The following TMEM215 variants were observed in gnomAD, a reference collection of about 807,000 sequenced individuals.
TMEM215 encodes transmembrane protein 215.
A neutral mutation model predicts 14.7 loss-of-function variants in TMEM215; 12 were observed. The observed-to-expected ratio is 0.82, with a 90% CI of 0.52 to 1.33. TMEM215 has a LOEUF of 1.33. TMEM215 is among the 40% of genes most tolerant of loss of function. TMEM215 has a pLI of 0.00. For synonymous variants in TMEM215, 122 were observed against 124.8 expected, an observed-to-expected ratio of 0.98 and a Z score of 0.15; for missense variants, 276 against 296.2, an observed-to-expected ratio of 0.93 and a Z score of 0.50.
At position 32,784,481 on chromosome 9, in the gene TMEM215, G is replaced by T. The variant is rs745334109; in HGVS notation, c.298G>T (p.Asp100Tyr). 3 of 1,614,076 alleles carry T rather than the reference G, an allele frequency of 1.9e-6. No individual in the cohort carries two copies. The highest frequency in any genetic ancestry group is 2.5e-6 in the Non-Finnish European group (3 of 1,180,036). Residue 100 changes from aspartate to tyrosine, a missense_variant, in exon 2 of 2, where the codon GAC (aspartate) becomes TAC (tyrosine). Transcript: ENST00000342743. ...EVVELLRTPS[D>Y]LESGKGSSDE... is the part of the protein sequence containing the mutation. ...GGTAGAGCTGCTGAGGACCCCTTCAGACCTAGAATCCGGCAAGGGGAGCTC... is the reference window on the plus strand; with the variant it reads ...GGTAGAGCTGCTGAGGACCCCTTCATACCTAGAATCCGGCAAGGGGAGCTC...
In TMEM215 at chr9:32,786,726, T is replaced by G. The variant is rs1587096479; in HGVS notation, c.*1835T>G. ...CACAGCTACTACTCAAAAAAGAATT[T>G]TGTAGATGTATGAAAGCAGATTATT... is the stretch of plus-strand genomic sequence containing the variant. On this transcript the variant is annotated 3_prime_UTR_variant, in exon 2 of 2. Transcript: ENST00000342743. 1.2e-5 allele frequency: 2 copies of G among 167,088 alleles called. No individual in the cohort carries two copies. Among genetic ancestry groups the G allele is most frequent in the South Asian group, 2.1e-4 (1 of 4,828 alleles). 10.4% of individuals were successfully genotyped at this position (167,088 alleles called of 1,614,324 possible).
rs999603499 is a variant in TMEM215 at position 32,783,684 on chromosome 9, G to C, written c.-180G>C. The C allele has an allele frequency of 6.5e-6, 1 of 154,804 alleles. No individual in the cohort carries two copies. The highest frequency in any genetic ancestry group is 1.4e-5 in the Non-Finnish European group (1 of 69,990). 9.6% of individuals were successfully genotyped at this position (154,804 alleles called of 1,614,324 possible). The stretch of plus-strand genomic sequence containing the variant: ...CCACCTCCCCGATGCAGAGTCCGTG[G>C]GGGAAACCAGGCTTTCCTCCCAGAA... On this transcript the variant is annotated 5_prime_UTR_variant, in exon 1 of 2. Coordinates refer to ENST00000342743, the MANE Select transcript of TMEM215 (RefSeq NM_212558.3).
rs1260456398 is a variant in TMEM215, at chr9:32,784,497, A to C, written c.314A>C (p.Lys105Thr). 7.4e-6 allele frequency: 12 copies of C among 1,614,058 alleles called. No individual in the cohort carries two copies. The highest frequency in any genetic ancestry group is 1.0e-5 in the Non-Finnish European group (12 of 1,180,026). Residue 105 changes from lysine (K) to threonine (T), a missense_variant, in exon 2 of 2, where the codon AAG becomes ACG. Physicochemically the swap from Lys to Thr is moderately conservative, Grantham distance 78. Coordinates refer to ENST00000342743, the MANE Select transcript of TMEM215 (RefSeq NM_212558.3). The stretch of plus-strand genomic sequence containing the variant: ...ACCCCTTCAGACCTAGAATCCGGCA[A>C]GGGGAGCTCAGATGAGCTGGCTAAG... ...LRTPSDLESG[K>T]GSSDELAKKA... is the part of the protein sequence containing the mutation.
chr9:32,784,974 C>A lies in TMEM215; in HGVS notation c.*83C>A. ...GAAGCAAATTGCTCTGCTTGGAGAG[C>A]CTTCACACTGTTAGAAATTGACCTG... On this transcript the variant is annotated 3_prime_UTR_variant, in exon 2 of 2. Transcript: ENST00000342743. 8.5e-7 allele frequency: 1 copy of A among 1,174,306 alleles called. No homozygotes were observed. Among genetic ancestry groups the A allele is most frequent in the Non-Finnish European group, 1.2e-6 (1 of 813,358 alleles). 72.7% of individuals were successfully genotyped at this position (1,174,306 alleles called of 1,614,324 possible). A position where few individuals can be genotyped will look rare whatever the true frequency, so the allele number is the denominator to read the frequency against.
chr9:32,786,876 A>G lies in TMEM215; in HGVS notation c.*1985A>G, dbSNP rs1055696228. ...CACAACCTTGCACTAAATGTGATTG[A>G]CATTTGGATTTGGGATGGGGAGAGA... is the stretch of plus-strand genomic sequence containing the variant. On this transcript the variant is annotated 3_prime_UTR_variant, in exon 2 of 2. Transcript: ENST00000342743. 7 of 167,026 alleles carry G rather than the reference A, an allele frequency of 4.2e-5. No homozygotes were observed. The highest frequency in any genetic ancestry group is 1.2e-4 in the African/African-American group (5 of 41,468). 10.3% of individuals were successfully genotyped at this position (167,026 alleles called of 1,614,324 possible).
Position 32,784,980 on chromosome 9 carries a change from C to A in TMEM215, c.*89C>A. On this transcript the variant is annotated 3_prime_UTR_variant, in exon 2 of 2. Coordinates refer to ENST00000342743, the MANE Select transcript of TMEM215 (RefSeq NM_212558.3). ...AATTGCTCTGCTTGGAGAGCCTTCA[C>A]ACTGTTAGAAATTGACCTGGTATGT... The A allele has an allele frequency of 1.8e-6, 2 of 1,116,820 alleles. No homozygotes were observed. Among genetic ancestry groups the A allele is most frequent in the Non-Finnish European group, 2.6e-6 (2 of 763,056 alleles). The allele number at this position is 1,116,820 out of a possible 1,614,324, so 69.2% of individuals were successfully genotyped here.
rs761069759 is a variant in TMEM215 at position 32,785,008 on chromosome 9, T to C, written c.*117T>C. 7 of 829,830 alleles carry C rather than the reference T, an allele frequency of 8.4e-6. No homozygotes were observed. The highest frequency in any genetic ancestry group is 1.2e-5 in the Non-Finnish European group (6 of 519,264). The allele number at this position is 829,830 out of a possible 1,614,324, so 51.4% of individuals were successfully genotyped here. A position where few individuals can be genotyped will look rare whatever the true frequency, so the allele number is the denominator to read the frequency against. On this transcript the variant is annotated 3_prime_UTR_variant, in exon 2 of 2. Transcript: ENST00000342743. ...TGTTAGAAATTGACCTGGTATGTGATGGGTGTGATAACCTCTGGTACCCGA... is the reference window on the plus strand; with the variant it reads ...TGTTAGAAATTGACCTGGTATGTGACGGGTGTGATAACCTCTGGTACCCGA...
In TMEM215 at chr9:32,787,680, A is replaced by C. The variant is rs1824522561; in HGVS notation, c.*2789A>C. The stretch of plus-strand genomic sequence containing the variant: ...GAAAAGAGAGCAACTCATTCTGATG[A>C]GTTACACAGTTTTAGCAAATTGTTC... On this transcript the variant is annotated 3_prime_UTR_variant, in exon 2 of 2. Transcript: ENST00000342743. Among the ~76,000 whole-genome samples the C allele has an allele frequency of 2.0e-5, 3 of 152,106 alleles. No individual in the cohort carries two copies. The South Asian group carries it at 6.2e-4, about 32-fold the overall frequency.
rs1003868177 is a variant in TMEM215, at chr9:32,788,604, T to G, written c.*3713T>G. Reference sequence around the variant, plus strand: ...TATTGCTGGTTACACTGCTATATTATTTGTTATATGCCAATAGAGAGGAAC... The same window carrying G: ...TATTGCTGGTTACACTGCTATATTAGTTGTTATATGCCAATAGAGAGGAAC... On this transcript the variant is annotated 3_prime_UTR_variant, in exon 2 of 2. Coordinates refer to ENST00000342743, the MANE Select transcript of TMEM215 (RefSeq NM_212558.3). 2.0e-5 allele frequency among the ~76,000 whole-genome samples: 3 copies of G among 152,268 alleles called. No homozygotes were observed. The highest frequency in any genetic ancestry group is 4.4e-5 in the Non-Finnish European group (3 of 68,048).
rs750362370 is a variant in TMEM215 at position 32,786,977 on chromosome 9, T to G, written c.*2086T>G. On this transcript the variant is annotated 3_prime_UTR_variant, in exon 2 of 2. Transcript: ENST00000342743. ...ACAGAGAATCATATTTTTATAATGGTGAGAACTATGCAATAACTCTTTAGG... is the reference window on the plus strand; with the variant it reads ...ACAGAGAATCATATTTTTATAATGGGGAGAACTATGCAATAACTCTTTAGG... 1 of 167,014 alleles carries G rather than the reference T, an allele frequency of 6.0e-6. No homozygotes were observed. Among genetic ancestry groups the G allele is most frequent in the Non-Finnish European group, 1.5e-5 (1 of 68,056 alleles). The allele number at this position is 167,014 out of a possible 1,614,324, so 10.3% of individuals were successfully genotyped here. A position where few individuals can be genotyped will look rare whatever the true frequency, so the allele number is the denominator to read the frequency against.
In TMEM215 at chr9:32,784,538, G is replaced by C. The variant is rs145588539; in HGVS notation, c.355G>C (p.Gly119Arg). ...GCTGGCTAAGAAGGCGGGCCTCAGG[G>C]GGAAGCCTCCCCCACAAAGCCAGGG... ...DELAKKAGLR[G>R]KPPPQSQGEV... The change falls in exon 2 of 2, where the codon GGG becomes CGG. Residue 119 changes from glycine (G) to arginine (R), a missense_variant. Transcript: ENST00000342743. 13 of 1,613,808 alleles carry C rather than the reference G, an allele frequency of 8.1e-6. No individual in the cohort carries two copies. In the African/African-American group the frequency reaches 1.3e-4, roughly 17 times the overall value.
Position 32,789,018 on chromosome 9 carries a change from A to G in TMEM215, c.*4127A>G, listed in dbSNP as rs372959227. 2.8e-4 allele frequency among the ~76,000 whole-genome samples: 42 copies of G among 152,342 alleles called. No individual in the cohort carries two copies. The East Asian group carries it at 6.2e-3, about 22-fold the overall frequency. On this transcript the variant is annotated 3_prime_UTR_variant, in exon 2 of 2. Transcript: ENST00000342743. ...ATATTTTATAATAGATGTATTTCAT[A>G]TGTATATGTATTGTCGCCTATCAGT...
rs778103234 is a variant in TMEM215, at chr9:32,784,159, GC to G, written c.-20del. On this transcript the variant is annotated 5_prime_UTR_variant, in exon 2 of 2. Coordinates refer to ENST00000342743, the MANE Select transcript of TMEM215 (RefSeq NM_212558.3). Reference sequence around the variant, plus strand: ...AACGCTGCTCCCTGGTCAGCAAGCAGCCCCCAACCTGGATGGAGTGAAACAT... The same window carrying G: ...AACGCTGCTCCCTGGTCAGCAAGCAGCCCCAACCTGGATGGAGTGAAACAT... The G allele has an allele frequency of 3.1e-6, 5 of 1,591,830 alleles. No homozygotes were observed. In the African/African-American group the frequency reaches 6.7e-5, roughly 21 times the overall value.
chr9:32,784,345 C>T lies in TMEM215; in HGVS notation c.162C>T (p.Ile54=), dbSNP rs1336337059. 10 of 1,614,130 alleles carry T rather than the reference C, an allele frequency of 6.2e-6. No homozygotes were observed. Among genetic ancestry groups the T allele is most frequent in the Middle Eastern group, 1.6e-4 (1 of 6,084 alleles). ...AIGPAICLPG[I]AAIALARKTE... ...GGCCAGCCATCTGCCTACCAGGCAT[C>T]GCAGCCATTGCCCTGGCCAGGAAAA... is the stretch of plus-strand genomic sequence containing the variant. The change falls in exon 2 of 2, where the codon ATC becomes ATT. Residue 54 remains isoleucine (I), a synonymous_variant. Transcript: ENST00000342743.
intron 1 of TMEM215, 55 bp from the exon 2 acceptor site, chr9:32,784,071 G>A (rs985920485): frequency 3.1e-6 from 3 of 960,374 alleles, no homozygotes; most frequent in Non-Finnish European, 4.7e-6. Flanking sequence ...AGAGTTGATG[G>A]GTGGGAGCTT....
Position 32,788,539 on chromosome 9 carries a change from A to G in TMEM215, c.*3648A>G, listed in dbSNP as rs1824532083. ...ATCATGCCATTCCTTATTGCTGGCA[A>G]GATACTAAGTTTTATGGATGATTTT... On this transcript the variant is annotated 3_prime_UTR_variant, in exon 2 of 2. Transcript: ENST00000342743. Among the ~76,000 whole-genome samples the G allele has an allele frequency of 6.6e-6, 1 of 152,230 alleles. No individual in the cohort carries two copies. Among genetic ancestry groups the G allele is most frequent in the Admixed American group, 6.5e-5 (1 of 15,288 alleles).
rs1824504024 is a variant in TMEM215 at position 32,786,124 on chromosome 9, G to A, written c.*1233G>A. 1 of 166,930 alleles carries A rather than the reference G, an allele frequency of 6.0e-6. No homozygotes were observed. The highest frequency in any genetic ancestry group is 1.5e-5 in the Non-Finnish European group (1 of 68,056). 10.3% of individuals were successfully genotyped at this position (166,930 alleles called of 1,614,324 possible). On this transcript the variant is annotated 3_prime_UTR_variant, in exon 2 of 2. Coordinates refer to ENST00000342743, the MANE Select transcript of TMEM215 (RefSeq NM_212558.3). The stretch of plus-strand genomic sequence containing the variant: ...CTATTTCACTTGCTCAACTGCAATA[G>A]ATAAGAAGGCTATCAAGCAGAATGC...
chr9:32,784,125 G>T lies in TMEM215; in HGVS notation c.-58-1G>T. 1 of 1,517,020 alleles carries T rather than the reference G, an allele frequency of 6.6e-7. No individual in the cohort carries two copies. The highest frequency in any genetic ancestry group is 8.9e-7 in the Non-Finnish European group (1 of 1,119,012). The allele number at this position is 1,517,020 out of a possible 1,614,324, so 94.0% of individuals were successfully genotyped here. A position where few individuals can be genotyped will look rare whatever the true frequency, so the allele number is the denominator to read the frequency against. On this transcript the variant is annotated splice_acceptor_variant, in intron 1 of 1. Transcript: ENST00000342743. LOFTEE classifies it low-confidence loss of function (5UTR_SPLICE). ...ACGCACTGTGGTTTCATCTCTGACA[G>T]AATAGAGGAACGCTGCTCCCTGGTC...
rs1212904673 is a variant in TMEM215 at position 32,783,726 on chromosome 9, A to AG, written c.-133dup. 6 of 156,790 alleles carry AG rather than the reference A, an allele frequency of 3.8e-5. No homozygotes were observed. Among genetic ancestry groups the AG allele is most frequent in the East Asian group, 1.9e-4 (1 of 5,230 alleles). The allele number at this position is 156,790 out of a possible 1,614,324, so 9.7% of individuals were successfully genotyped here. ...CTCCCAGAACCAAGGGAGCGAGCCGAGGGGGCAGCTGCTGTGGGGGCTTCT... is the reference window on the plus strand; with the variant it reads ...CTCCCAGAACCAAGGGAGCGAGCCGAGGGGGGCAGCTGCTGTGGGGGCTTCT... On this transcript the variant is annotated 5_prime_UTR_variant, in exon 1 of 2. The change abolishes the stop of an existing upstream ORF in the 5' untranslated region. Coordinates refer to ENST00000342743, the MANE Select transcript of TMEM215 (RefSeq NM_212558.3).
Sources: gnomAD v4.1 joint callset for allele counts (sites outside exome capture counted in the v4.1 genomes callset) on GRCh38, gnomAD v4.1.1 for gene constraint, MANE v1.5 for transcripts, NCBI Gene and HGNC (gene_info 2026-07-23, HGNC 2026-07-21) for gene names.